ANKRD11: variants seen among roughly 807,000 people sequenced by gnomAD.
The protein encoded by ANKRD11 is ankyrin repeat domain-containing protein 11.
A neutral mutation model predicts 195.7 loss-of-function variants in ANKRD11; 17 were observed. The ratio of observed to expected loss-of-function variants is 0.09; its 90% confidence interval spans 0.06 to 0.13. ANKRD11 has a LOEUF of 0.13. Among genes scored for constraint, ANKRD11 ranks in the 10% least tolerant of loss-of-function variants. The pLI is 1.00. For missense variants in ANKRD11, 3,735 were observed against 3,566.1 expected (o/e 1.05, Z -1.21); for synonymous variants, 1,953 against 1,528.1 (o/e 1.28, Z -6.49).
intron 2 of ANKRD11, among the ~76,000 whole-genome samples, chr16:89,393,119 C>T (rs1309671270): frequency 1.3e-5 from 2 of 152,060 alleles, no homozygotes; most frequent in South Asian, 2.1e-4. Context: ...CACCTGCATA[C>T]CTTCTCTCAC....
intron 1 of ANKRD11, among the ~76,000 whole-genome samples, chr16:89,468,881 G>A (rs559376851): frequency 6.6e-6 from 1 of 152,274 alleles, no homozygotes; most frequent in African/African-American, 2.4e-5. Context: ...CACCAAGTGG[G>A]TTTAACCCAG....
chr16:89,317,003 C>G lies in ANKRD11; in HGVS notation c.17G>C (p.Cys6Ser), dbSNP rs1219877230. Residue 6 changes from cysteine (C) to serine (S), a missense_variant, in exon 3 of 13, where the codon TGC becomes TCC. Transcript: ENST00000301030. ...CTCTTCCTGCTGTGGTGCTTTAGGG[C>G]ACCCACCCTTGGGCATCGTCCTGCT... MPKGGCPKAPQQEELP... is the reference protein window; with the variant it reads MPKGGSPKAPQQEELP... The G allele has an allele frequency of 6.2e-7, 1 of 1,613,596 alleles. No individual in the cohort carries two copies. Among genetic ancestry groups the G allele is most frequent in the South Asian group, 1.1e-5 (1 of 90,926 alleles).
intron 2 of ANKRD11, among the ~76,000 whole-genome samples, chr16:89,405,278 A>G (rs959184903): frequency 6.6e-6 from 1 of 152,190 alleles, no homozygotes; most frequent in Admixed American, 6.5e-5. Context: ...TACGTGGGGC[A>G]TGACTGTATT....
At chr16:89,303,427 G>A (rs948355951) in intron 4 of ANKRD11, among the ~76,000 whole-genome samples, 1 of 152,188 alleles carries the variant, frequency 6.6e-6, no homozygotes, top group Non-Finnish European at 1.5e-5. Flanking sequence ...CCTCCCTTCT[G>A]GGGGCTGAGG....
In ANKRD11 at chr16:89,279,839, G is replaced by C. The variant is rs973372197; in HGVS notation, c.6703C>G (p.Pro2235Ala). 12 of 1,548,574 alleles carry C rather than the reference G, an allele frequency of 7.7e-6. No homozygotes were observed. The highest frequency in any genetic ancestry group is 8.7e-6 in the Non-Finnish European group (10 of 1,148,652). The change falls in exon 9 of 13, where the codon CCG becomes GCG. Residue 2235 changes from proline (P) to alanine (A), a missense_variant. Physicochemically the swap from Pro to Ala is conservative, Grantham distance 27. Transcript: ENST00000301030. The surrounding 1 kb of genome is among the most constrained non-coding windows in gnomAD (Gnocchi z 5.6). ...GGCGCGGGCTCCACGCTGGAGTCCG[G>C]ATCCCCACGGGCCCTCTCTTCCGGC... The part of the protein sequence containing the change: ...TVPEERARGD[P>A]DSSVEPAPVP...
At chr16:89,476,949 G>C (rs964509179) in intron 1 of ANKRD11, among the ~76,000 whole-genome samples, 1 of 152,146 alleles carries the variant, frequency 6.6e-6, no homozygotes, top group Admixed American at 6.5e-5. Flanking sequence ...CACATGATAT[G>C]GTAACAATCT....
chr16:89,474,789 AG>A (rs1245800162), intron 1 of ANKRD11, among the ~76,000 whole-genome samples: 1 of 152,246 alleles, frequency 6.6e-6, no homozygotes. Context: ...GCTGCCTTCA[AG>A]GTTACATATG....
At chr16:89,465,625 C>T (rs760741023) in intron 1 of ANKRD11, among the ~76,000 whole-genome samples, 1 of 152,228 alleles carries the variant, frequency 6.6e-6, no homozygotes, top group Non-Finnish European at 1.5e-5. Flanking sequence ...TCCACCAGCA[C>T]ACGACTCCCA....
chr16:89,295,909 C>T (rs1342537199), intron 4 of ANKRD11, among the ~76,000 whole-genome samples: 2 of 81,190 alleles, frequency 2.5e-5, no homozygotes, highest in Admixed American at 3.7e-4. Context: ...TGGGGGTGCT[C>T]TGTGCAGGTG....
intron 4 of ANKRD11, among the ~76,000 whole-genome samples, chr16:89,304,311 C>T (rs546506956): frequency 3.3e-5 from 5 of 151,290 alleles, no homozygotes; most frequent in East Asian, 3.9e-4. Flanking sequence ...CAGGCACACA[C>T]GTACACATGG....
Position 89,285,315 on chromosome 16 carries a change from G to C in ANKRD11, c.1227C>G (p.Asp409Glu). 1 of 1,613,982 alleles carries C rather than the reference G, an allele frequency of 6.2e-7. No individual in the cohort carries two copies. Among genetic ancestry groups the C allele is most frequent in the South Asian group, 1.1e-5 (1 of 91,084 alleles). ...CACTCGCGTCCTCCTCGTCCGACGTGTCTGACAGGATACGATGGGACGCTT... is the reference window on the plus strand; with the variant it reads ...CACTCGCGTCCTCCTCGTCCGACGTCTCTGACAGGATACGATGGGACGCTT... ...PKKASHRILS[D>E]TSDEEDASVT... The change falls in exon 9 of 13, where the codon GAC (aspartate) becomes GAG (glutamate). Residue 409 changes from aspartate (D) to glutamate (E), a missense_variant. Asp to Glu is a conservative substitution (Grantham distance 45). Coordinates refer to ENST00000301030, the MANE Select transcript of ANKRD11 (RefSeq NM_013275.6). The surrounding 1 kb of genome is among the most constrained non-coding windows in gnomAD (Gnocchi z 5.6).
At chr16:89,346,527 C>T (rs1266594152) in intron 2 of ANKRD11, among the ~76,000 whole-genome samples, 4 of 152,216 alleles carry the variant, frequency 2.6e-5, no homozygotes, top group African/African-American at 4.8e-5. Context: ...CTACACCACA[C>T]GCCTAAAAAC....
intron 9 of ANKRD11, 113 bp downstream of exon 9, chr16:89,278,957 CGA>C (rs767309458): frequency 2.7e-6 from 4 of 1,490,506 alleles, no homozygotes; most frequent in South Asian, 1.2e-5. Context: ...GGCAGAAGGT[CGA>C]GAGAGGTCAA....
chr16:89,399,869 A>G (rs1415724798), intron 2 of ANKRD11, among the ~76,000 whole-genome samples: 6 of 152,274 alleles, frequency 3.9e-5, no homozygotes, highest in Non-Finnish European at 8.8e-5. Flanking sequence ...CAGGGCTTGG[A>G]TTCACACAGC....
chr16:89,397,237 G>A (rs1239123275), intron 2 of ANKRD11, among the ~76,000 whole-genome samples: 1 of 152,176 alleles, frequency 6.6e-6, no homozygotes, highest in Non-Finnish European at 1.5e-5. Context: ...GGGAGCACGG[G>A]AGACACAGCC....
chr16:89,284,702 T>C lies in ANKRD11; in HGVS notation c.1840A>G (p.Ser614Gly), dbSNP rs776828860. The C allele has an allele frequency of 1.2e-6, 2 of 1,613,886 alleles. No individual in the cohort carries two copies. Among genetic ancestry groups the C allele is most frequent in the South Asian group, 1.1e-5 (1 of 91,088 alleles). Residue 614 changes from serine (S) to glycine (G), a missense_variant, in exon 9 of 13, where the codon AGC (serine) becomes GGC (glycine). Ser to Gly is a moderately conservative substitution (Grantham distance 56, BLOSUM62 0). Transcript: ENST00000301030. ...LSEKKSPFLS[S>G]AEGAVPKLDK... ...AGTTTGGGGACAGCGCCCTCCGCGC[T>C]GGACAGGAAGGGGCTCTTCTTCTCC...
At chr16:89,271,773 A>C (rs2033178133) in intron 11 of ANKRD11, 1 of 152,200 alleles carries the variant, frequency 6.6e-6, no homozygotes, top group Admixed American at 6.5e-5. Flanking sequence ...GGAATCCAAG[A>C]CCTTAAACGA....
intron 3 of ANKRD11, among the ~76,000 whole-genome samples, 200 bp from the exon 4 acceptor site, chr16:89,305,544 AG>A: frequency 6.6e-6 from 1 of 152,068 alleles, no homozygotes; most frequent in Non-Finnish European, 1.5e-5. Context: ...GCTGTGGCTC[AG>A]CCCTGACTCT....
At chr16:89,357,256 C>G (rs974191882) in intron 2 of ANKRD11, among the ~76,000 whole-genome samples, 4 of 152,116 alleles carry the variant, frequency 2.6e-5, no homozygotes, top group Admixed American at 1.3e-4. Flanking sequence ...TCTCATCTGT[C>G]AAATCTGCTG....
Sources: gnomAD v4.1 joint callset for allele counts (sites outside exome capture counted in the v4.1 genomes callset) on GRCh38, gnomAD v4.1.1 for gene constraint, Gnocchi (gnomAD v3.1) non-coding constraint, MANE v1.5 for transcripts, NCBI Gene and HGNC (gene_info 2026-07-23, HGNC 2026-07-21) for gene names.